The following POTEB3 variants were observed in gnomAD, a reference collection of about 807,000 sequenced individuals.
The protein encoded by POTEB3 is ANKRD26-like family B member 1.
POTEB3 carries 5 observed loss-of-function variants against 39.8 expected under a neutral mutation model. The ratio of observed to expected loss-of-function variants is 0.13; its 90% CI spans 0.07 to 0.26. POTEB3 has a LOEUF of 0.26. Ranked by LOEUF, POTEB3 falls within the 10% of genes least tolerant of loss-of-function variation. The pLI is 1.00. For missense variants in POTEB3, 24 were observed against 475.6 expected (o/e 0.05, Z 8.83); for synonymous variants, 5 against 161.5 (o/e 0.03, Z 7.35).
intron 3 of POTEB3, among the ~76,000 whole-genome samples, chr15:21,433,748 C>T (rs1430552625): frequency 7.3e-5 from 11 of 150,292 alleles, no homozygotes; most frequent in Non-Finnish European, 3.0e-5. Context: ...CCCATCAAGA[C>T]ATTCTAGAAT....
intron 3 of POTEB3, among the ~76,000 whole-genome samples, chr15:21,433,224 A>T (rs1472385905): frequency 1.3e-5 from 2 of 151,304 alleles, no homozygotes; most frequent in Admixed American, 6.6e-5. Context: ...TTCAGTGGTT[A>T]AGCAGGAGTG....
chr15:21,413,506 TTATATATATATA>T (rs1160375320), intron 9 of POTEB3, among the ~76,000 whole-genome samples: 1 of 1,450 alleles, frequency 6.9e-4, no homozygotes, highest in East Asian at 0.033. Flanking sequence ...ATAAAGAAAA[TTATATATATATA>T]TATATATATA....
At chr15:21,423,340 AC>A (rs1898583529) in intron 6 of POTEB3, among the ~76,000 whole-genome samples, 1 of 86,630 alleles carries the variant, frequency 1.2e-5, no homozygotes, top group Non-Finnish European at 2.4e-5. Context: ...CTTGTGATCC[AC>A]CTGCTCCAGC....
chr15:21,433,274 G>T (rs1899047725), intron 3 of POTEB3, among the ~76,000 whole-genome samples: 2 of 150,918 alleles, frequency 1.3e-5, no homozygotes. Context: ...TGTTGTTAGA[G>T]ACAGGGTCTC....
chr15:21,411,074 T>A, intron 9 of POTEB3, 73 bp from the exon 10 acceptor site: 2 of 1,021,768 alleles, frequency 2.0e-6, no homozygotes, highest in Non-Finnish European at 2.6e-6. Flanking sequence ...GATGGCACCA[T>A]CAGATGTCAT....
chr15:21,425,728 T>C (rs1898668658), intron 6 of POTEB3, among the ~76,000 whole-genome samples: 1 of 151,074 alleles, frequency 6.6e-6, no homozygotes, highest in African/African-American at 2.5e-5. Context: ...AAAAGACACA[T>C]GTGAAGAAAA....
At chr15:21,422,862 A>G (rs1898562187) in intron 6 of POTEB3, among the ~76,000 whole-genome samples, 3 of 150,552 alleles carry the variant, frequency 2.0e-5, no homozygotes, top group African/African-American at 7.3e-5. Flanking sequence ...GTTTGCCTAT[A>G]TAAGCCAAGC....
At chr15:21,421,485 T>C in intron 7 of POTEB3, among the ~76,000 whole-genome samples, 1 of 130,376 alleles carries the variant, frequency 7.7e-6, no homozygotes, top group South Asian at 2.4e-4. Flanking sequence ...TAATAGGCAG[T>C]TGGGTTGCTT....
At chr15:21,422,513 A>G (rs1204489659) in intron 6 of POTEB3, among the ~76,000 whole-genome samples, 3 of 135,024 alleles carry the variant, frequency 2.2e-5, no homozygotes, top group Non-Finnish European at 4.8e-5. Flanking sequence ...CAGTAAATGT[A>G]AAGAAAAGGA....
chr15:21,422,856 G>A (rs1381093256), intron 6 of POTEB3, among the ~76,000 whole-genome samples: 4 of 150,628 alleles, frequency 2.7e-5, no homozygotes, highest in Admixed American at 1.3e-4. Context: ...CTATAAGTTT[G>A]CCTATATAAG....
At position 21,417,966 on chromosome 15, in the gene POTEB3, C is replaced by A. The variant is rs1170635392; in HGVS notation, c.1409+1498G>T. ...GGTCAGCAAATTAGCACCTGTGGGC[C>A]AAATCCAGGCCACTGACTGTTTTTG... On this transcript the variant is annotated intron_variant, in intron 9 of 10. Coordinates refer to ENST00000611217, the MANE Select transcript of POTEB3 (RefSeq NM_207355.5). Among the ~76,000 whole-genome samples, 2 of 104,918 alleles carry A rather than the reference C, an allele frequency of 1.9e-5. 1 individual carries two copies. The highest frequency in any genetic ancestry group is 1.4e-4 in the African/African-American group (2 of 14,488). The allele number at this position is 104,918 out of a possible 152,430, so 68.8% of individuals were successfully genotyped here. A position where few individuals can be genotyped will look rare whatever the true frequency, so the allele number is the denominator to read the frequency against.
chr15:21,423,520 C>G (rs1312251947), intron 6 of POTEB3, among the ~76,000 whole-genome samples: 1 of 7,766 alleles, frequency 1.3e-4, no homozygotes, highest in African/African-American at 4.9e-4. Flanking sequence ...TTCTACTGCA[C>G]CTTTACCACC....
At chr15:21,429,038 C>T (rs1372443541) in intron 5 of POTEB3, 1 of 150,310 alleles carries the variant, frequency 6.7e-6, no homozygotes, top group Non-Finnish European at 1.5e-5. Flanking sequence ...AGGCTTGGCT[C>T]TTGTCCATGA....
chr15:21,413,946 T>C lies in POTEB3; in HGVS notation c.1410-2945A>G, dbSNP rs28578905. Among the ~76,000 whole-genome samples, 643 of 72,446 alleles carry C rather than the reference T, an allele frequency of 8.9e-3. 33 individuals carry two copies. Among genetic ancestry groups the C allele is most frequent in the East Asian group, 0.031 (69 of 2,228 alleles). 47.5% of individuals were successfully genotyped at this position (72,446 alleles called of 152,430 possible). A position where few individuals can be genotyped will look rare whatever the true frequency, so the allele number is the denominator to read the frequency against. ...AAATATCAAAATGTCATTATTTATA[T>C]TTCAAAAATAGCAATTTTTATTAGT... On this transcript the variant is annotated intron_variant, in intron 9 of 10. Transcript: ENST00000611217.
At position 21,414,461 on chromosome 15, in the gene POTEB3, T is replaced by G. The variant is rs1394936511; in HGVS notation, c.1410-3460A>C. Among the ~76,000 whole-genome samples the G allele has an allele frequency of 2.4e-4, 25 of 105,040 alleles. 2 individuals carry two copies. The highest frequency in any genetic ancestry group is 3.6e-5 in the Non-Finnish European group (2 of 54,914). The allele number at this position is 105,040 out of a possible 152,430, so 68.9% of individuals were successfully genotyped here. A position where few individuals can be genotyped will look rare whatever the true frequency, so the allele number is the denominator to read the frequency against. ...TTGAAGGCAACTTTTATACAGAAAA[T>G]TTTTGGTTAAAGTTGACTCTAACTT... On this transcript the variant is annotated intron_variant, in intron 9 of 10. Transcript: ENST00000611217.
rs1276363492 is a variant in POTEB3 at position 21,407,476 on chromosome 15, G to A, written c.*1507C>T. ...CATATAAAGGGCTGCAGTATGGAGA[G>A]GTAATGTGCAGGCTGGTACGTGGCT... On this transcript the variant is annotated 3_prime_UTR_variant, in exon 11 of 11. Coordinates refer to ENST00000611217, the MANE Select transcript of POTEB3 (RefSeq NM_207355.5). 2.2e-5 allele frequency among the ~76,000 whole-genome samples: 2 copies of A among 89,230 alleles called. 1 individual carries two copies. The highest frequency in any genetic ancestry group is 4.0e-5 in the Non-Finnish European group (2 of 49,600). 58.5% of individuals were successfully genotyped at this position (89,230 alleles called of 152,430 possible).
intron 8 of POTEB3, among the ~76,000 whole-genome samples, 188 bp from the exon 9 acceptor site, chr15:21,419,818 T>C (rs2141348836): frequency 7.1e-6 from 1 of 140,596 alleles, no homozygotes; most frequent in South Asian, 2.2e-4. Context: ...ATGTCATTAG[T>C]ATATCACTGA....
chr15:21,437,859 C>T (rs1223308117), intron 1 of POTEB3, among the ~76,000 whole-genome samples: 752 of 66,574 alleles, frequency 0.011, 168 homozygotes, highest in Middle Eastern at 0.075. Context: ...AATTCTCCTG[C>T]CTCAGCCTCC....
chr15:21,424,983 CAT>C (rs1898625366), intron 6 of POTEB3: 1 of 147,836 alleles, frequency 6.8e-6, no homozygotes, highest in African/African-American at 2.5e-5. Flanking sequence ...ATGAAAAAAG[CAT>C]AACACCAAAA....
Sources: gnomAD v4.1 joint callset for allele counts (sites outside exome capture counted in the v4.1 genomes callset) on GRCh38, gnomAD v4.1.1 for gene constraint, MANE v1.5 for transcripts, NCBI Gene and HGNC (gene_info 2026-07-23, HGNC 2026-07-21) for gene names.